The following SLC15A4 variants were observed in gnomAD, a reference collection of about 807,000 sequenced individuals.
SLC15A4 encodes the protein hPHT1.
A neutral mutation model predicts 46.1 loss-of-function variants in SLC15A4; 26 were observed. That is an observed-to-expected ratio of 0.56 (90% CI 0.41 to 0.78). The LOEUF (loss-of-function observed/expected upper bound fraction) is 0.78. SLC15A4 is among the 30% of genes least tolerant of loss of function. The pLI is 0.00. For missense variants in SLC15A4, 751 were observed against 755.7 expected (o/e 0.99, Z 0.07); for synonymous variants, 370 against 333.4 (o/e 1.11, Z -1.20).
At chr12:128,816,932 G>C (rs1162378856) in intron 1 of SLC15A4, among the ~76,000 whole-genome samples, 1 of 152,166 alleles carries the variant, frequency 6.6e-6, no homozygotes, top group African/African-American at 2.4e-5. Flanking sequence ...AATCAGAGGA[G>C]TAAAATTTAT....
Position 128,814,543 on chromosome 12 carries a change from C to T in SLC15A4, c.842+232G>A, listed in dbSNP as rs1167882150. 9.9e-6 allele frequency: 5 copies of T among 504,266 alleles called. 1 individual carries two copies. The Admixed American group carries it at 1.0e-4, about 10-fold the overall frequency. The allele number at this position is 504,266 out of a possible 1,614,324, so 31.2% of individuals were successfully genotyped here. On this transcript the variant is annotated intron_variant, in intron 2 of 7. Transcript: ENST00000266771. ...ACACTAGCAGTGAGAGAAAGTGCAACGTGGGGTTAAAGCATGAGCTCTGGA... is the reference window on the plus strand; with the variant it reads ...ACACTAGCAGTGAGAGAAAGTGCAATGTGGGGTTAAAGCATGAGCTCTGGA...
intron 5 of SLC15A4, among the ~76,000 whole-genome samples, chr12:128,803,966 C>T (rs1227024829): frequency 2.6e-5 from 4 of 152,186 alleles, no homozygotes; most frequent in Admixed American, 1.3e-4. Context: ...TCACCACAGA[C>T]CCACTGTGTT....
At chr12:128,805,443 A>G (rs1955573091) in intron 5 of SLC15A4, among the ~76,000 whole-genome samples, 1 of 152,230 alleles carries the variant, frequency 6.6e-6, no homozygotes, top group Admixed American at 6.5e-5. Flanking sequence ...CTGAAAATAC[A>G]TAAAGTAGTT....
Position 128,799,404 on chromosome 12 carries a change from T to A in SLC15A4, c.1428A>T (p.Ala476=), listed in dbSNP as rs373889689. 1.9e-6 allele frequency: 3 copies of A among 1,614,020 alleles called. No homozygotes were observed. In the African/African-American group the frequency reaches 4.0e-5, roughly 22 times the overall value. The change falls in exon 7 of 8, where the codon GCA becomes GCT. Residue 476 remains alanine (A), a synonymous_variant. Coordinates refer to ENST00000266771, the MANE Select transcript of SLC15A4 (RefSeq NM_145648.4). The part of the protein sequence containing the change: ...IFASIAGLEF[A]YSAAPKSMQS... ...GCATGGACTTGGGGGCAGCTGAGTA[T>A]GCAAATTCCAGGCCTGAGGAAAGAA... is the stretch of plus-strand genomic sequence containing the variant.
intron 1 of SLC15A4, among the ~76,000 whole-genome samples, chr12:128,821,194 C>G (rs1955831086): frequency 6.6e-6 from 1 of 152,210 alleles, no homozygotes; most frequent in African/African-American, 2.4e-5. Context: ...CATAGGAACA[C>G]AAACAGGGAG....
At chr12:128,806,348 T>A (rs1955589550) in intron 5 of SLC15A4, among the ~76,000 whole-genome samples, 1 of 151,896 alleles carries the variant, frequency 6.6e-6, no homozygotes, top group African/African-American at 2.4e-5. Context: ...GTTAAAACAA[T>A]AATATACCAT....
chr12:128,812,159 G>A lies in SLC15A4; in HGVS notation c.843-2048C>T, dbSNP rs187429961. ...CTGGTCTGATGAGTTGAACAAATAC[G>A]CCTTCATTTCTCATTTAATATCAAG... On this transcript the variant is annotated intron_variant, in intron 2 of 7. Coordinates refer to ENST00000266771, the MANE Select transcript of SLC15A4 (RefSeq NM_145648.4). Among the ~76,000 whole-genome samples, 98 of 152,252 alleles carry A rather than the reference G, an allele frequency of 6.4e-4. 1 individual carries two copies. Among genetic ancestry groups the A allele is most frequent in the Non-Finnish European group, 1.1e-3 (77 of 68,028 alleles).
At chr12:128,806,616 C>T (rs960443382) in intron 5 of SLC15A4, among the ~76,000 whole-genome samples, 2 of 152,160 alleles carry the variant, frequency 1.3e-5, no homozygotes, top group Non-Finnish European at 2.9e-5. Context: ...GTACTCATGT[C>T]AAGTTATAAG....
rs959600221 is a variant in SLC15A4, at chr12:128,809,327, T to C, written c.1089+69A>G. ...TTAACATTTATAAAAGATTTACAGT[T>C]GGTAGAAGGAATCCATTTATTACAT... On this transcript the variant is annotated intron_variant, in intron 4 of 7. Coordinates refer to ENST00000266771, the MANE Select transcript of SLC15A4 (RefSeq NM_145648.4). The C allele has an allele frequency of 9.5e-5, 92 of 964,460 alleles. 1 individual carries two copies. The East Asian group carries it at 2.2e-3, about 23-fold the overall frequency. 59.7% of individuals were successfully genotyped at this position (964,460 alleles called of 1,614,324 possible).
chr12:128,814,712 G>A (rs1457028380), intron 2 of SLC15A4, 63 bp downstream of exon 2: 2 of 1,538,448 alleles, frequency 1.3e-6, no homozygotes, highest in Non-Finnish European at 1.8e-6. Context: ...CCGAAGCTAG[G>A]ATGTTAATAA....
rs1486606801 is a variant in SLC15A4 at position 128,823,506 on chromosome 12, G to C, written c.438C>G (p.Pro146=). Reference sequence around the variant, plus strand: ...GTGAGCAGCAGCGGGCGGCGGCGTCGGGACCAGGCGCCGTGCAGTTGAGCA... The same window carrying C: ...GTGAGCAGCAGCGGGCGGCGGCGTCCGGACCAGGCGCCGTGCAGTTGAGCA... ...ARLLNCTAPG[P]DAAARCCSPA... Residue 146 remains proline, a synonymous_variant, in exon 1 of 8, where the codon CCC becomes CCG. Coordinates refer to ENST00000266771, the MANE Select transcript of SLC15A4 (RefSeq NM_145648.4). 10 of 1,483,984 alleles carry C rather than the reference G, an allele frequency of 6.7e-6. No homozygotes were observed. Among genetic ancestry groups the C allele is most frequent in the African/African-American group, 2.9e-5 (2 of 68,386 alleles). 91.9% of individuals were successfully genotyped at this position (1,483,984 alleles called of 1,614,324 possible). A position where few individuals can be genotyped will look rare whatever the true frequency, so the allele number is the denominator to read the frequency against.
At chr12:128,810,346 A>G (rs1955640979) in intron 2 of SLC15A4, 1 of 467,242 alleles carries the variant, frequency 2.1e-6, no homozygotes. Flanking sequence ...AAACTGGGCT[A>G]CTGTAATTTT....
At position 128,815,054 on chromosome 12, in the gene SLC15A4, G is replaced by A. The variant is rs144816528; in HGVS notation, c.563C>T (p.Pro188Leu). The change falls in exon 2 of 8, where the codon CCG (proline) becomes CTG (leucine). Residue 188 changes from proline (P) to leucine (L), a missense_variant. Physicochemically the swap from Pro to Leu is moderately conservative, Grantham distance 98 (BLOSUM62 -3). Transcript: ENST00000266771. ...FGADQVKDRG[P>L]EATRRFFNWF... ...ATTAAAAAATCTCCTAGTGGCTTCC[G>A]GACCTCGATCTTTAACCTAAAATAA... 1.3e-3 allele frequency: 2,166 copies of A among 1,608,082 alleles called. 12 individuals are homozygous for A. Among genetic ancestry groups the A allele is most frequent in the Middle Eastern group, 6.6e-3 (40 of 6,044 alleles).
intron 2 of SLC15A4, among the ~76,000 whole-genome samples, chr12:128,812,702 C>T (rs1006336572): frequency 6.6e-6 from 1 of 152,154 alleles, no homozygotes; most frequent in African/African-American, 2.4e-5. Context: ...CTGCTGAGGG[C>T]CTTGCACACA....
intron 5 of SLC15A4, among the ~76,000 whole-genome samples, chr12:128,804,473 T>G (rs1332994368): frequency 6.6e-6 from 1 of 152,224 alleles, no homozygotes; most frequent in African/African-American, 2.4e-5. Flanking sequence ...GGCTCACGCC[T>G]GTAATCCCAG....
rs1374523489 is a variant in SLC15A4 at position 128,823,550 on chromosome 12, G to A, written c.394C>T (p.Leu132Phe). The A allele has an allele frequency of 1.4e-6, 2 of 1,447,044 alleles. No homozygotes were observed. Among genetic ancestry groups the A allele is most frequent in the African/African-American group, 1.5e-5 (1 of 67,128 alleles). The allele number at this position is 1,447,044 out of a possible 1,614,324, so 89.6% of individuals were successfully genotyped here. The change falls in exon 1 of 8, where the codon CTC becomes TTC. Residue 132 changes from leucine to phenylalanine, a missense_variant. Leu to Phe is a conservative substitution (Grantham distance 22). Coordinates refer to ENST00000266771, the MANE Select transcript of SLC15A4 (RefSeq NM_145648.4). ...LLAAPATRAA[L>F]CGSARLLNCT... ...TTGAGCAGGCGCGCGGAACCGCAGA[G>A]CGCGGCTCGCGTGGCGGGCGCGGCC...
At chr12:128,796,134 A>C (rs903508590) in intron 7 of SLC15A4, among the ~76,000 whole-genome samples, 4 of 152,188 alleles carry the variant, frequency 2.6e-5, no homozygotes, top group African/African-American at 9.7e-5. Flanking sequence ...ACAATATAAT[A>C]CACGTCTGGG....
At chr12:128,794,380 G>A in intron 7 of SLC15A4, 24 bp from the exon 8 acceptor site, 2 of 1,598,998 alleles carry the variant, frequency 1.3e-6, no homozygotes, top group East Asian at 4.5e-5. Flanking sequence ...AAGGAAAGCG[G>A]CAGGTAAGCT....
intron 5 of SLC15A4, among the ~76,000 whole-genome samples, chr12:128,808,189 A>G (rs1955611959): frequency 6.6e-6 from 1 of 152,254 alleles, no homozygotes; most frequent in African/African-American, 2.4e-5. Flanking sequence ...CATAAAAATT[A>G]TGAAAACAGA....
Sources: allele counts gnomAD v4.1 joint callset (sites outside exome capture counted in the v4.1 genomes callset), GRCh38; gene constraint gnomAD v4.1.1; transcripts MANE v1.5; gene names NCBI Gene and HGNC (gene_info 2026-07-23, HGNC 2026-07-21).